Variants in PPFIA4 observed in about 807,000 individuals in gnomAD.
The protein encoded by PPFIA4 is liprin-alpha-4.
PPFIA4 carries 98 observed loss-of-function variants against 145.7 expected under a neutral mutation model. That is an observed-to-expected ratio of 0.67 (90% CI 0.57 to 0.80). The LOEUF (loss-of-function observed/expected upper bound fraction) is 0.80, where lower values mean the gene tolerates loss of function less well. PPFIA4 is among the 30% of genes least tolerant of loss of function. The pLI, the probability that PPFIA4 is intolerant of heterozygous loss-of-function variation, is 0.00. For missense variants in PPFIA4, 1,457 were observed against 1,632.7 expected, an observed-to-expected ratio of 0.89 and a Z score of 1.85; for synonymous variants, 628 against 649.6, an observed-to-expected ratio of 0.97 and a Z score of 0.51.
Position 203,049,000 on chromosome 1 carries a change from C to T in PPFIA4, c.1419+20C>T. The T allele has an allele frequency of 6.5e-7, 1 of 1,546,246 alleles. No homozygotes were observed. The highest frequency in any genetic ancestry group is 8.7e-7 in the Non-Finnish European group (1 of 1,145,648). On this transcript the variant is annotated intron_variant, in intron 12 of 29. Transcript: ENST00000295706. This position sits in a 1 kb window ranked among gnomAD's most constrained non-coding sequence, Gnocchi z 5.8. ...CACAAGGTACCCGGCTGCGGCCAGC[C>T]CCGCCCAGCCTGGGAGGGCCGGGTT...
chr1:203,031,760 C>A (rs899227702), intron 1 of PPFIA4, among the ~76,000 whole-genome samples: 1 of 152,164 alleles, frequency 6.6e-6, no homozygotes, highest in Non-Finnish European at 1.5e-5. Context: ...ATGCTTATTA[C>A]TTTGTTTCTT....
intron 13 of PPFIA4, among the ~76,000 whole-genome samples, chr1:203,050,916 T>C (rs1186974713): frequency 9.9e-5 from 15 of 151,170 alleles, no homozygotes; most frequent in Admixed American, 6.6e-4. Flanking sequence ...AATGCTTGGG[T>C]TCGACTATAG....
At chr1:203,045,330 T>A in intron 6 of PPFIA4, 38 bp from the exon 7 acceptor site, 1 of 1,506,212 alleles carries the variant, frequency 6.6e-7, no homozygotes, top group Non-Finnish European at 8.9e-7. Context: ...GGTGGGATGC[T>A]GCTGTGACTC....
At chr1:203,044,520 A>G in intron 5 of PPFIA4, 67 bp downstream of exon 5, 1 of 1,486,252 alleles carries the variant, frequency 6.7e-7, no homozygotes, top group Non-Finnish European at 9.1e-7. Flanking sequence ...CCTGTGCCCT[A>G]CTCTGTTTCT....
intron 19 of PPFIA4, 73 bp downstream of exon 19, chr1:203,057,023 G>A: frequency 1.3e-6 from 2 of 1,584,616 alleles, no homozygotes; most frequent in Non-Finnish European, 1.7e-6. Context: ...TACTTGGACT[G>A]GCCTTCTCTG....
In PPFIA4 at chr1:203,075,573, G is replaced by A; in HGVS notation, c.3394-4G>A. ...TCGGGCCTCTGGTGTCCCCCATGGT[G>A]CAGGGGGATGACAAGGTGTTTCGCC... is the stretch of plus-strand genomic sequence containing the variant. On this transcript the variant is annotated splice_polypyrimidine_tract_variant and splice_region_variant and intron_variant, in intron 28 of 29. Transcript: ENST00000295706. This position sits in a 1 kb window ranked among gnomAD's most constrained non-coding sequence, Gnocchi z 4.1. 6.9e-7 allele frequency: 1 copy of A among 1,453,332 alleles called. No individual in the cohort carries two copies. Among genetic ancestry groups the A allele is most frequent in the South Asian group, 1.4e-5 (1 of 69,346 alleles). 90.0% of individuals were successfully genotyped at this position (1,453,332 alleles called of 1,614,324 possible).
chr1:203,071,338 A>G (rs1444419456), intron 27 of PPFIA4, among the ~76,000 whole-genome samples: 2 of 150,876 alleles, frequency 1.3e-5, no homozygotes, highest in Non-Finnish European at 3.0e-5. Flanking sequence ...TGCCTGGCTA[A>G]TTTTTTGTAT....
chr1:203,048,989 C>T lies in PPFIA4; in HGVS notation c.1419+9C>T. On this transcript the variant is annotated intron_variant, in intron 12 of 29. Transcript: ENST00000295706. This position sits in a 1 kb window ranked among gnomAD's most constrained non-coding sequence, Gnocchi z 5.8. The stretch of plus-strand genomic sequence containing the variant: ...AGCAGCACCACCACAAGGTACCCGG[C>T]TGCGGCCAGCCCCGCCCAGCCTGGG... The T allele has an allele frequency of 1.3e-6, 2 of 1,548,004 alleles. No homozygotes were observed. Among genetic ancestry groups the T allele is most frequent in the Non-Finnish European group, 1.7e-6 (2 of 1,146,540 alleles).
intron 25 of PPFIA4, 145 bp downstream of exon 25, chr1:203,064,148 C>T (rs929822485): frequency 2.4e-6 from 2 of 824,958 alleles, no homozygotes; most frequent in Non-Finnish European, 3.6e-6. Context: ...GAAAGTCTCC[C>T]TTGTCAAATC....
At chr1:203,052,248 C>G (rs1490679353) in intron 14 of PPFIA4, among the ~76,000 whole-genome samples, 1 of 152,126 alleles carries the variant, frequency 6.6e-6, no homozygotes, top group Admixed American at 6.5e-5. Flanking sequence ...AGCTGTGGTT[C>G]ATGGCGGAGA....
intron 12 of PPFIA4, 49 bp from the exon 13 acceptor site, chr1:203,049,626 GC>G: frequency 8.1e-7 from 1 of 1,229,808 alleles, no homozygotes; most frequent in Non-Finnish European, 1.1e-6. Flanking sequence ...CTCCCTCTCT[GC>G]CCCTCCCTGG....
At position 203,064,023 on chromosome 1, in the gene PPFIA4, A is replaced by G. The variant is rs749650015; in HGVS notation, c.3050+20A>G. ...CCATCGGTGAGCGCGGCTGGGACCC[A>G]GGGCCACCTCCCTCGTGGGGGCCTC... is the stretch of plus-strand genomic sequence containing the variant. On this transcript the variant is annotated intron_variant, in intron 25 of 29. Transcript: ENST00000295706. 31 of 1,603,820 alleles carry G rather than the reference A, an allele frequency of 1.9e-5. No individual in the cohort carries two copies. In the South Asian group the frequency reaches 2.9e-4, roughly 15 times the overall value.
chr1:203,057,551 TTTCTC>T (rs1661059758), intron 19 of PPFIA4, among the ~76,000 whole-genome samples: 1 of 152,234 alleles, frequency 6.6e-6, no homozygotes, highest in Non-Finnish European at 1.5e-5. Flanking sequence ...TATTTCTTCT[TTTCTC>T]TTTTCCTTCC....
chr1:203,052,056 C>CCCG (rs397957973), intron 14 of PPFIA4, among the ~76,000 whole-genome samples, 179 bp downstream of exon 14: 1 of 149,776 alleles, frequency 6.7e-6, no homozygotes, highest in African/African-American at 2.5e-5. Context: ...CCCCCCCCCC[C>CCCG]GCTTGCCTTG....
intron 1 of PPFIA4, among the ~76,000 whole-genome samples, chr1:203,028,261 G>A (rs971733944): frequency 1.3e-5 from 2 of 152,180 alleles, no homozygotes; most frequent in East Asian, 1.9e-4. Flanking sequence ...ATGAGGTCTG[G>A]CTGCTGGGCT....
At chr1:203,035,863 GTCC>G (rs1558064023) in intron 1 of PPFIA4, among the ~76,000 whole-genome samples, 1 of 152,150 alleles carries the variant, frequency 6.6e-6, no homozygotes. Context: ...TTGCCTGGCA[GTCC>G]TCTCTGGGCT....
At position 203,063,915 on chromosome 1, in the gene PPFIA4, A is replaced by T; in HGVS notation, c.2962A>T (p.Met988Leu). 6.2e-7 allele frequency: 1 copy of T among 1,614,068 alleles called. No homozygotes were observed. The highest frequency in any genetic ancestry group is 8.5e-7 in the Non-Finnish European group (1 of 1,179,908). Residue 988 changes from methionine (M) to leucine (L), a missense_variant, in exon 25 of 30, where the codon ATG becomes TTG. Transcript: ENST00000295706. ...GCTCCCGCAGTACCGCAGCTACTTC[A>T]TGGAGTGCCTGGTGGACGCCCGCAT... ...LGLPQYRSYF[M>L]ECLVDARMLD... is the part of the protein sequence containing the mutation.
rs1659813555 is a variant in PPFIA4, at chr1:203,043,055, T to C, written c.235-342T>C. 6.6e-6 allele frequency among the ~76,000 whole-genome samples: 1 copy of C among 152,130 alleles called. No individual in the cohort carries two copies. Among genetic ancestry groups the C allele is most frequent in the Non-Finnish European group, 1.5e-5 (1 of 68,016 alleles). On this transcript the variant is annotated intron_variant, in intron 2 of 29. Transcript: ENST00000295706. The surrounding 1 kb of genome is among the most constrained non-coding windows in gnomAD (Gnocchi z 4.4). ...AAATGTCATTGAATTCCTGGAGAAA[T>C]GGAAATGCCAGGTGGGAGGGAGGAT...
chr1:203,052,049 C>CT (rs1553257062), intron 14 of PPFIA4, among the ~76,000 whole-genome samples, 172 bp downstream of exon 14: 1 of 137,238 alleles, frequency 7.3e-6, no homozygotes, highest in Admixed American at 7.0e-5. Flanking sequence ...AGCTGTGCCC[C>CT]CCCCCCCGCT....
Sources: allele counts gnomAD v4.1 joint callset (sites outside exome capture counted in the v4.1 genomes callset), GRCh38; gene constraint gnomAD v4.1.1; non-coding constraint Gnocchi (gnomAD v3.1); transcripts MANE v1.5; gene names NCBI Gene and HGNC (gene_info 2026-07-23, HGNC 2026-07-21).